Variants in SLC35F1 observed in about 807,000 individuals in gnomAD.
SLC35F1 encodes the protein chromosome 6 open reading frame 169.
SLC35F1 carries 14 observed loss-of-function variants against 48.7 expected under a neutral mutation model. That is an observed-to-expected ratio of 0.29 (90% CI 0.19 to 0.45). The LOEUF is 0.45. Ranked by LOEUF, SLC35F1 falls within the 20% of genes least tolerant of loss-of-function variation. The pLI, the probability that SLC35F1 is intolerant of heterozygous loss-of-function variation, is 1.00. For missense variants in SLC35F1, 404 were observed against 500.0 expected, an observed-to-expected ratio of 0.81 and a Z score of 1.83; for synonymous variants, 190 against 202.2, an observed-to-expected ratio of 0.94 and a Z score of 0.51.
intron 1 of SLC35F1, among the ~76,000 whole-genome samples, chr6:117,979,930 T>G (rs1360349691): frequency 1.3e-5 from 2 of 152,236 alleles, no homozygotes; most frequent in African/African-American, 4.8e-5. Flanking sequence ...TTCTCCTAAC[T>G]GTGCCAGCAA....
chr6:118,025,994 A>G (rs1354209973), intron 1 of SLC35F1, among the ~76,000 whole-genome samples: 2 of 152,144 alleles, frequency 1.3e-5, no homozygotes, highest in African/African-American at 4.8e-5. Flanking sequence ...TTGGGTACCT[A>G]TTACTTCAAG....
intron 1 of SLC35F1, among the ~76,000 whole-genome samples, chr6:118,028,091 A>C (rs4294040): frequency 0.99 from 151,423 of 152,240 alleles, 75,312 homozygotes; most frequent in Middle Eastern, 1. Context: ...TTGGAATTCC[A>C]AGACTTTATC....
At chr6:118,232,029 T>C (rs1225133396) in intron 2 of SLC35F1, among the ~76,000 whole-genome samples, 1 of 152,234 alleles carries the variant, frequency 6.6e-6, no homozygotes, top group Non-Finnish European at 1.5e-5. Flanking sequence ...CTAATAGATA[T>C]ATTTTCAGTG....
chr6:117,914,908 T>TA lies in SLC35F1; in HGVS notation c.173+7019dup, dbSNP rs570771175. Among the ~76,000 whole-genome samples the TA allele has an allele frequency of 4.0e-3, 594 of 147,842 alleles. 8 individuals are homozygous for TA. Among genetic ancestry groups the TA allele is most frequent in the Admixed American group, 0.031 (465 of 14,798 alleles). On this transcript the variant is annotated intron_variant, in intron 1 of 7. Coordinates refer to ENST00000360388, the MANE Select transcript of SLC35F1 (RefSeq NM_001029858.4). ...GTTTCACTTAGGGCTTAAAAAATAT[T>TA]AAAAAAAAAAGAGGAACAGCTATTA... is the stretch of plus-strand genomic sequence containing the variant.
chr6:118,060,160 G>T (rs1772517913), intron 1 of SLC35F1, among the ~76,000 whole-genome samples: 1 of 152,146 alleles, frequency 6.6e-6, no homozygotes, highest in African/African-American at 2.4e-5. Context: ...CTTTAGGTCT[G>T]TAAACAGCTA....
intron 2 of SLC35F1, among the ~76,000 whole-genome samples, chr6:118,165,181 G>A (rs1199198011): frequency 6.6e-6 from 1 of 152,182 alleles, no homozygotes; most frequent in Non-Finnish European, 1.5e-5. Flanking sequence ...CTAGGCCAGT[G>A]CTTGTTCTAG....
At chr6:118,095,124 T>C (rs1773132217) in intron 1 of SLC35F1, among the ~76,000 whole-genome samples, 1 of 152,212 alleles carries the variant, frequency 6.6e-6, no homozygotes, top group Non-Finnish European at 1.5e-5. Context: ...GGAGTAGGAC[T>C]CTGTCTCAAA....
At chr6:118,165,782 C>T (rs907911383) in intron 2 of SLC35F1, among the ~76,000 whole-genome samples, 4 of 152,184 alleles carry the variant, frequency 2.6e-5, no homozygotes, top group African/African-American at 9.7e-5. Context: ...CTGATAACTT[C>T]CAGCAAGGAA....
chr6:118,300,318 T>A (rs893365323), intron 7 of SLC35F1, among the ~76,000 whole-genome samples: 3 of 152,168 alleles, frequency 2.0e-5, no homozygotes, highest in Non-Finnish European at 4.4e-5. Context: ...TACTACACCA[T>A]GTTATATGAG....
chr6:118,193,971 C>A (rs910907920), intron 2 of SLC35F1, among the ~76,000 whole-genome samples: 1 of 152,132 alleles, frequency 6.6e-6, no homozygotes, highest in African/African-American at 2.4e-5. Context: ...GTCACATGAA[C>A]TAAAAGCCAT....
chr6:118,027,620 G>A (rs988123676), intron 1 of SLC35F1, among the ~76,000 whole-genome samples: 15 of 151,530 alleles, frequency 9.9e-5, no homozygotes, highest in African/African-American at 2.2e-4. Context: ...CCCTCACCTC[G>A]CCCTGCCAAG....
At chr6:118,233,915 C>A (rs1775329084) in intron 2 of SLC35F1, among the ~76,000 whole-genome samples, 1 of 152,198 alleles carries the variant, frequency 6.6e-6, no homozygotes, top group South Asian at 2.1e-4. Context: ...ATTTGACCAC[C>A]AAAGGTCAAG....
chr6:118,179,729 C>CT (rs35296472), intron 2 of SLC35F1, among the ~76,000 whole-genome samples: 80 of 152,126 alleles, frequency 5.3e-4, no homozygotes, highest in African/African-American at 1.8e-3. Flanking sequence ...TTTTTAAAGG[C>CT]TTTTTTTAAA....
intron 1 of SLC35F1, among the ~76,000 whole-genome samples, chr6:118,054,424 T>G (rs1772434328): frequency 6.6e-6 from 1 of 152,244 alleles, no homozygotes; most frequent in African/African-American, 2.4e-5. Context: ...ATTGATTGTA[T>G]GATTGAAATA....
At chr6:118,055,921 C>A (rs1399953947) in intron 1 of SLC35F1, among the ~76,000 whole-genome samples, 1 of 152,226 alleles carries the variant, frequency 6.6e-6, no homozygotes, top group African/African-American at 2.4e-5. Flanking sequence ...AGAAAAGGGA[C>A]AGAGACCAGC....
intron 2 of SLC35F1, among the ~76,000 whole-genome samples, chr6:118,158,445 C>T (rs6922505): frequency 1.7e-3 from 264 of 152,232 alleles, no homozygotes; most frequent in African/African-American, 6.1e-3. Context: ...CTCACCGCTC[C>T]GAGAGCTGCA....
chr6:117,923,831 A>ATACACATACATATGTATATATACATG (rs1562239098), intron 1 of SLC35F1, among the ~76,000 whole-genome samples: 20 of 144,696 alleles, frequency 1.4e-4, no homozygotes, highest in Admixed American at 2.8e-4. Context: ...ATATATACAT[A>ATACACATACATATGTATATATACATG]TACACATTAC....
chr6:118,037,081 G>T (rs1772144832), intron 1 of SLC35F1, among the ~76,000 whole-genome samples: 2 of 152,084 alleles, frequency 1.3e-5, no homozygotes, highest in African/African-American at 4.8e-5. Context: ...AATACATGTT[G>T]TCTTGAAATA....
At chr6:118,249,946 T>C (rs867091703) in intron 3 of SLC35F1, among the ~76,000 whole-genome samples, 1 of 152,174 alleles carries the variant, frequency 6.6e-6, no homozygotes, top group Non-Finnish European at 1.5e-5. Flanking sequence ...GCGCTCACCT[T>C]TGATTCCCCG....
Sources: gnomAD v4.1 joint callset for allele counts (sites outside exome capture counted in the v4.1 genomes callset) on GRCh38, gnomAD v4.1.1 for gene constraint, MANE v1.5 for transcripts, NCBI Gene and HGNC (gene_info 2026-07-23, HGNC 2026-07-21) for gene names.